Variants in GDAP1L1 observed in about 807,000 individuals in gnomAD.
GDAP1L1 encodes ganglioside-induced differentiation-associated protein 1-like 1.
GDAP1L1 carries 21 observed loss-of-function variants against 37.1 expected under a neutral mutation model. The observed-to-expected ratio is 0.57, with a 90% CI of 0.40 to 0.81. The LOEUF is 0.81. Among genes scored for constraint, GDAP1L1 ranks in the 40% least tolerant of loss-of-function variants. The pLI, the probability that GDAP1L1 is intolerant of heterozygous loss-of-function variation, is 0.00. For synonymous variants in GDAP1L1, 193 were observed against 209.1 expected (o/e 0.92, Z 0.67); for missense variants, 362 against 491.6 (o/e 0.74, Z 2.49).
intron 5 of GDAP1L1, among the ~76,000 whole-genome samples, chr20:44,275,279 G>C (rs1401280388): frequency 3.3e-5 from 5 of 152,152 alleles, no homozygotes; most frequent in Non-Finnish European, 1.5e-5. Flanking sequence ...CTGTGACTAT[G>C]AGCCTCTTGA....
upstream of GDAP1L1, chr20:44,247,202 GGTGAGTAAT>G (rs1325381518): frequency 5.6e-6 from 5 of 890,782 alleles, no homozygotes; most frequent in Non-Finnish European, 8.8e-6. Context: ...CCAACTGCCC[GGTGAGTAAT>G]GACATTCACG....
rs939060602 is a variant in GDAP1L1, at chr20:44,278,050, A to G, written c.761-907A>G. On this transcript the variant is annotated intron_variant, in intron 5 of 5. Coordinates refer to ENST00000342560, the MANE Select transcript of GDAP1L1 (RefSeq NM_024034.6). ...ACACCTGTAATCCCAGCTATTAGGG[A>G]GGCTGAAGCGGGAGAATTGCTTGAA... 4.0e-5 allele frequency among the ~76,000 whole-genome samples: 6 copies of G among 149,476 alleles called. No individual in the cohort carries two copies. The East Asian group carries it at 8.2e-4, about 20-fold the overall frequency.
At chr20:44,247,690 C>T (rs914230646) in intron 1 of GDAP1L1, among the ~76,000 whole-genome samples, 176 bp downstream of exon 1, 3 of 151,530 alleles carry the variant, frequency 2.0e-5, no homozygotes, top group East Asian at 2.0e-4. Context: ...TGGGAAGCGA[C>T]AGGCCCTGTC....
chr20:44,275,811 A>C (rs1568659118), intron 5 of GDAP1L1, among the ~76,000 whole-genome samples: 1 of 152,246 alleles, frequency 6.6e-6, no homozygotes, highest in Non-Finnish European at 1.5e-5. Context: ...AATATTGCAC[A>C]AACAAGTGTT....
Position 44,262,567 on chromosome 20 carries a change from C to T in GDAP1L1, c.548-663C>T, listed in dbSNP as rs190267385. On this transcript the variant is annotated intron_variant, in intron 3 of 5. Transcript: ENST00000342560. Reference sequence around the variant, plus strand: ...TACAGTCTCCTCCTCCGTGAGGTCTCTCAGCCCCTTGTGCCCCAGGCAGGC... The same window carrying T: ...TACAGTCTCCTCCTCCGTGAGGTCTTTCAGCCCCTTGTGCCCCAGGCAGGC... 3.3e-5 allele frequency among the ~76,000 whole-genome samples: 5 copies of T among 152,242 alleles called. No homozygotes were observed. In the East Asian group the frequency reaches 7.7e-4, roughly 23 times the overall value.
intron 5 of GDAP1L1, among the ~76,000 whole-genome samples, chr20:44,268,561 C>T (rs557081965): frequency 1.3e-5 from 2 of 152,210 alleles, no homozygotes; most frequent in East Asian, 3.9e-4. Context: ...CATAAGTAAA[C>T]ACAGAATTGC....
At chr20:44,255,032 T>A (rs2073512858) in intron 1 of GDAP1L1, among the ~76,000 whole-genome samples, 1 of 152,262 alleles carries the variant, frequency 6.6e-6, no homozygotes, top group Middle Eastern at 3.4e-3. Context: ...AAGTGACTTG[T>A]TCAAGGTCAC....
chr20:44,264,492 C>G lies in GDAP1L1; in HGVS notation c.693C>G (p.Leu231=). 16 of 1,555,126 alleles carry G rather than the reference C, an allele frequency of 1.0e-5. No individual in the cohort carries two copies. Among genetic ancestry groups the G allele is most frequent in the Non-Finnish European group, 1.4e-5 (16 of 1,150,248 alleles). ...ATGTGAGCTACCTGAAGAAGATCCT[C>G]GGGGAACTGGCCATGGTGCTGGACC... ...HDDVSYLKKI[L]GELAMVLDQI... is the part of the protein sequence containing the mutation. The change falls in exon 5 of 6, where the codon CTC becomes CTG. Residue 231 remains leucine, a synonymous_variant. Coordinates refer to ENST00000342560, the MANE Select transcript of GDAP1L1 (RefSeq NM_024034.6).
At chr20:44,264,239 C>T (rs1254343689) in intron 4 of GDAP1L1, among the ~76,000 whole-genome samples, 1 of 151,892 alleles carries the variant, frequency 6.6e-6, no homozygotes, top group Admixed American at 6.6e-5. Context: ...TAAGAATGTA[C>T]TAGGGATCTA....
chr20:44,269,419 C>A (rs981380765), intron 5 of GDAP1L1, among the ~76,000 whole-genome samples: 1 of 152,020 alleles, frequency 6.6e-6, no homozygotes, highest in Non-Finnish European at 1.5e-5. Flanking sequence ...CTGAGTTGTT[C>A]CGGTTTTATA....
At position 44,273,766 on chromosome 20, in the gene GDAP1L1, T is replaced by C. The variant is rs554942117; in HGVS notation, c.761-5191T>C. On this transcript the variant is annotated intron_variant, in intron 5 of 5. Coordinates refer to ENST00000342560, the MANE Select transcript of GDAP1L1 (RefSeq NM_024034.6). ...CTCTAGATGACTCCTTTATGCCTTC[T>C]TCCTCCTCCGCCCTCCAGCCACCTC... is the stretch of plus-strand genomic sequence containing the variant. Among the ~76,000 whole-genome samples the C allele has an allele frequency of 4.6e-5, 7 of 152,216 alleles. No homozygotes were observed. The South Asian group carries it at 1.5e-3, about 32-fold the overall frequency.
At chr20:44,272,147 G>A (rs1201285379) in intron 5 of GDAP1L1, among the ~76,000 whole-genome samples, 1 of 152,214 alleles carries the variant, frequency 6.6e-6, no homozygotes, top group Non-Finnish European at 1.5e-5. Context: ...AGTTTCCTGG[G>A]GTGCAGAACA....
chr20:44,269,258 T>A (rs2062487930), intron 5 of GDAP1L1, among the ~76,000 whole-genome samples: 1 of 152,128 alleles, frequency 6.6e-6, no homozygotes, highest in South Asian at 2.1e-4. Context: ...CAGATGTCAT[T>A]CTTGCTCTCA....
Position 44,269,422 on chromosome 20 carries a change from GTTT to G in GDAP1L1, c.760+4865_760+4867del, listed in dbSNP as rs553594536. Among the ~76,000 whole-genome samples, 7 of 152,274 alleles carry G rather than the reference GTTT, an allele frequency of 4.6e-5. No individual in the cohort carries two copies. The East Asian group carries it at 1.3e-3, about 29-fold the overall frequency. Reference sequence around the variant, plus strand: ...GTCTCCATGGGGCTGAGTTGTTCCGGTTTTATATTTGAGAGAATTCCAACTGCT... The same window carrying G: ...GTCTCCATGGGGCTGAGTTGTTCCGGTATATTTGAGAGAATTCCAACTGCT... On this transcript the variant is annotated intron_variant, in intron 5 of 5. Transcript: ENST00000342560.
At chr20:44,260,552 C>A (rs2073653508) in intron 3 of GDAP1L1, among the ~76,000 whole-genome samples, 1 of 152,116 alleles carries the variant, frequency 6.6e-6, no homozygotes, top group East Asian at 1.9e-4. Flanking sequence ...AACGTTTAAT[C>A]TGGTGCCCAT....
At chr20:44,266,032 G>A (rs962013191) in intron 5 of GDAP1L1, among the ~76,000 whole-genome samples, 4 of 152,186 alleles carry the variant, frequency 2.6e-5, no homozygotes, top group African/African-American at 9.7e-5. Flanking sequence ...CTTTTGGCTG[G>A]GCACAATGGC....
At chr20:44,260,268 T>G (rs2073647624) in intron 3 of GDAP1L1, among the ~76,000 whole-genome samples, 1 of 132,750 alleles carries the variant, frequency 7.5e-6, no homozygotes, top group Non-Finnish European at 1.6e-5. Flanking sequence ...TATTAGTGAG[T>G]AGAAAAAAGT....
intron 5 of GDAP1L1, among the ~76,000 whole-genome samples, chr20:44,268,172 T>C (rs1399606852): frequency 6.6e-6 from 1 of 152,256 alleles, no homozygotes; most frequent in Non-Finnish European, 1.5e-5. Context: ...TGAGACCCCT[T>C]GCATAGAGCC....
intron 5 of GDAP1L1, among the ~76,000 whole-genome samples, chr20:44,269,910 G>A (rs35182603): frequency 0.079 from 11,955 of 152,206 alleles, 969 homozygotes; most frequent in East Asian, 0.31. Flanking sequence ...CAGGCTGGGC[G>A]TTTGGGAGAC....
Sources: gnomAD v4.1 joint callset for allele counts (sites outside exome capture counted in the v4.1 genomes callset) on GRCh38, gnomAD v4.1.1 for gene constraint, MANE v1.5 for transcripts, NCBI Gene and HGNC (gene_info 2026-07-23, HGNC 2026-07-21) for gene names.